Variants in ATRNL1 observed in about 807,000 individuals in gnomAD.
The protein encoded by ATRNL1 is attractin like 1, also known as attractin-like protein 1.
A neutral mutation model predicts 182.7 loss-of-function variants in ATRNL1; 95 were observed. The ratio of observed to expected loss-of-function variants is 0.52; its 90% CI spans 0.44 to 0.62. ATRNL1 has a LOEUF of 0.62. Among genes scored for constraint, ATRNL1 ranks in the 20% least tolerant of loss-of-function variants. The pLI is 0.00. For missense variants in ATRNL1, 1,471 were observed against 1,679.5 expected, an observed-to-expected ratio of 0.88 and a Z score of 2.17; for synonymous variants, 576 against 568.3, an observed-to-expected ratio of 1.01 and a Z score of -0.19.
chr10:115,098,365 T>G (rs1247118910), intron 1 of ATRNL1, among the ~76,000 whole-genome samples: 1 of 150,758 alleles, frequency 6.6e-6, no homozygotes, highest in African/African-American at 2.5e-5. Context: ...TAGTGCATTT[T>G]ATACACGTAA....
intron 10 of ATRNL1, among the ~76,000 whole-genome samples, chr10:115,257,585 T>C (rs1387642077): frequency 6.6e-6 from 1 of 152,220 alleles, no homozygotes; most frequent in Non-Finnish European, 1.5e-5. Context: ...TGTCTTTTAA[T>C]TGGGGCATTT....
chr10:115,346,131 C>T (rs1411622612), intron 19 of ATRNL1, among the ~76,000 whole-genome samples: 1 of 152,158 alleles, frequency 6.6e-6, no homozygotes, highest in African/African-American at 2.4e-5. Flanking sequence ...CCATTTTAAA[C>T]ATTTTTAAGT....
At chr10:115,617,227 G>T (rs1857479039) in intron 26 of ATRNL1, among the ~76,000 whole-genome samples, 1 of 152,164 alleles carries the variant, frequency 6.6e-6, no homozygotes, top group Admixed American at 6.5e-5. Context: ...TTTAATGACT[G>T]CCCTACTTGG....
At chr10:115,367,542 C>T (rs1460293833) in intron 19 of ATRNL1, among the ~76,000 whole-genome samples, 2 of 152,068 alleles carry the variant, frequency 1.3e-5, no homozygotes, top group Admixed American at 1.3e-4. Context: ...CTCCATCCAG[C>T]TTTGTTCCGT....
chr10:115,662,201 C>T (rs1860737162), intron 26 of ATRNL1, among the ~76,000 whole-genome samples: 1 of 151,868 alleles, frequency 6.6e-6, no homozygotes, highest in Non-Finnish European at 1.5e-5. Context: ...GGCTTGGTTC[C>T]AAGTCTTTGC....
intron 27 of ATRNL1, among the ~76,000 whole-genome samples, chr10:115,743,885 G>A (rs1948214753): frequency 6.6e-6 from 1 of 151,864 alleles, no homozygotes; most frequent in South Asian, 2.1e-4. Context: ...TAAGTGAACA[G>A]GAAAAATCTT....
chr10:115,376,917 G>A (rs76972115), intron 19 of ATRNL1, among the ~76,000 whole-genome samples: 1,890 of 151,730 alleles, frequency 0.012, 33 homozygotes, highest in African/African-American at 0.043. Context: ...ATCATTTTTT[G>A]TTTTTCTAAC....
intron 26 of ATRNL1, among the ~76,000 whole-genome samples, chr10:115,663,452 A>T (rs1860815809): frequency 6.6e-6 from 1 of 152,108 alleles, no homozygotes; most frequent in South Asian, 2.1e-4. Flanking sequence ...GGTACCTGTT[A>T]CTGTGCTTAG....
chr10:115,171,822 C>T (rs1286914866), intron 8 of ATRNL1, among the ~76,000 whole-genome samples: 2 of 151,924 alleles, frequency 1.3e-5, no homozygotes, highest in Non-Finnish European at 2.9e-5. Flanking sequence ...AGTTTTTGTA[C>T]TATACCTTTA....
At chr10:115,417,606 G>A (rs1845454451) in intron 20 of ATRNL1, among the ~76,000 whole-genome samples, 1 of 152,168 alleles carries the variant, frequency 6.6e-6, no homozygotes, top group Admixed American at 6.5e-5. Flanking sequence ...GATCCTGAGG[G>A]GACCCAGCCT....
At chr10:115,500,610 C>A (rs1348851293) in intron 24 of ATRNL1, among the ~76,000 whole-genome samples, 1 of 151,898 alleles carries the variant, frequency 6.6e-6, no homozygotes, top group Non-Finnish European at 1.5e-5. Flanking sequence ...ATGGTGTGAT[C>A]TCAGCTCATT....
chr10:115,528,497 A>G (rs1478551909), intron 25 of ATRNL1, among the ~76,000 whole-genome samples: 16 of 151,728 alleles, frequency 1.1e-4, no homozygotes, highest in African/African-American at 3.9e-4. Context: ...TAAATTTTGT[A>G]ATTTCAGTTT....
chr10:115,325,255 G>T (rs1385515144), intron 18 of ATRNL1, among the ~76,000 whole-genome samples: 1 of 152,064 alleles, frequency 6.6e-6, no homozygotes, highest in Non-Finnish European at 1.5e-5. Flanking sequence ...ATATTCCATA[G>T]CTACTGAGAT....
intron 26 of ATRNL1, among the ~76,000 whole-genome samples, chr10:115,634,432 C>T (rs143683149): frequency 3.3e-5 from 5 of 152,056 alleles, no homozygotes; most frequent in Admixed American, 2.0e-4. Context: ...TAAAAGGTAA[C>T]GTTTTATGAC....
At chr10:115,252,489 G>A (rs1446443485) in intron 10 of ATRNL1, among the ~76,000 whole-genome samples, 1 of 152,214 alleles carries the variant, frequency 6.6e-6, no homozygotes, top group Non-Finnish European at 1.5e-5. Context: ...ATGCTGGAGA[G>A]TAGCCTCTAC....
rs1198982954 is a variant in ATRNL1 at position 115,165,574 on chromosome 10, A to T, written c.1021A>T (p.Ser341Cys). Residue 341 changes from serine (S) to cysteine (C), a missense_variant, in exon 7 of 29, where the codon AGT becomes TGT. Around this residue, in one of 3 missense-constraint regions of ATRNL1, gnomAD observed 1,031 missense variants for 1,156.0 expected, o/e 0.89. Transcript: ENST00000355044. ...QMVLNYNLES[S>C]IWNVGTPSRG... Reference sequence around the variant, plus strand: ...TGCTTTTAGTTACAATTTAGAAAGCAGTATATGGAATGTAGGAACTCCATC... The same window carrying T: ...TGCTTTTAGTTACAATTTAGAAAGCTGTATATGGAATGTAGGAACTCCATC... The T allele has an allele frequency of 6.6e-7, 1 of 1,504,054 alleles. No individual in the cohort carries two copies. The highest frequency in any genetic ancestry group is 9.0e-7 in the Non-Finnish European group (1 of 1,113,466). 93.2% of individuals were successfully genotyped at this position (1,504,054 alleles called of 1,614,324 possible). A position where few individuals can be genotyped will look rare whatever the true frequency, so the allele number is the denominator to read the frequency against.
At chr10:115,273,081 C>T (rs1253981821) in intron 13 of ATRNL1, among the ~76,000 whole-genome samples, 1 of 152,082 alleles carries the variant, frequency 6.6e-6, no homozygotes, top group Non-Finnish European at 1.5e-5. Context: ...GGCTGATTAC[C>T]TAGGGGGATG....
At chr10:115,630,665 T>C (rs1858425764) in intron 26 of ATRNL1, among the ~76,000 whole-genome samples, 1 of 148,856 alleles carries the variant, frequency 6.7e-6, no homozygotes, top group Non-Finnish European at 1.5e-5. Flanking sequence ...TATTTAAATA[T>C]ATATTTACAA....
chr10:115,365,952 ATT>A (rs1327063298), intron 19 of ATRNL1, among the ~76,000 whole-genome samples: 11 of 152,240 alleles, frequency 7.2e-5, no homozygotes, highest in African/African-American at 2.4e-4. Flanking sequence ...TATGTGGTCA[ATT>A]TTAGAATAGG....
Sources: allele counts gnomAD v4.1 joint callset (sites outside exome capture counted in the v4.1 genomes callset), GRCh38; gene constraint gnomAD v4.1.1; regional missense constraint gnomAD v4.1.1; transcripts MANE v1.5; gene names NCBI Gene and HGNC (gene_info 2026-07-23, HGNC 2026-07-21).